ASTN2: variants seen among roughly 807,000 people sequenced by gnomAD.
The protein encoded by ASTN2 is astrotactin-2.
A neutral mutation model predicts 139.8 loss-of-function variants in ASTN2; 54 were observed. The observed-to-expected ratio is 0.39, with a 90% CI of 0.31 to 0.48. The LOEUF (loss-of-function observed/expected upper bound fraction) is 0.48. ASTN2 is among the 20% of genes least tolerant of loss of function. The pLI is 0.95. For synonymous variants in ASTN2, 756 were observed against 719.5 expected (o/e 1.05, Z -0.81); for missense variants, 1,565 against 1,725.1 (o/e 0.91, Z 1.64).
chr9:116,440,475 CT>C, intron 22 of ASTN2, 133 bp downstream of exon 22: 3 of 811,540 alleles, frequency 3.7e-6, no homozygotes, highest in South Asian at 4.1e-5. Context: ...TATCTTTAGC[CT>C]TGACACGACC....
At chr9:117,128,355 G>C (rs923235591) in intron 4 of ASTN2, among the ~76,000 whole-genome samples, 1 of 129,648 alleles carries the variant, frequency 7.7e-6, no homozygotes, top group African/African-American at 3.2e-5. Flanking sequence ...CCTGGTGACA[G>C]AGTGAGACAC....
At chr9:116,809,577 C>T (rs988979754) in intron 12 of ASTN2, among the ~76,000 whole-genome samples, 3 of 152,258 alleles carry the variant, frequency 2.0e-5, no homozygotes, top group Non-Finnish European at 2.9e-5. Context: ...CCATATTTTT[C>T]CTTTCAAATG....
At chr9:116,960,629 A>G (rs1835851088) in intron 10 of ASTN2, among the ~76,000 whole-genome samples, 1 of 151,966 alleles carries the variant, frequency 6.6e-6, no homozygotes, top group Non-Finnish European at 1.5e-5. Context: ...TCTATCTACT[A>G]GATACCAATA....
chr9:117,400,869 G>A (rs1270292497), intron 1 of ASTN2, among the ~76,000 whole-genome samples: 1 of 152,050 alleles, frequency 6.6e-6, no homozygotes, highest in Non-Finnish European at 1.5e-5. Flanking sequence ...CAAAACCCAC[G>A]ATTCCTAGTT....
intron 3 of ASTN2, among the ~76,000 whole-genome samples, chr9:117,183,849 C>A (rs1831133464): frequency 6.6e-6 from 1 of 152,200 alleles, no homozygotes; most frequent in Admixed American, 6.5e-5. Context: ...TGAAATGCAG[C>A]CCTGATATCA....
intron 19 of ASTN2, among the ~76,000 whole-genome samples, chr9:116,505,377 T>TTGCCC (rs1850064976): frequency 6.6e-6 from 1 of 152,092 alleles, no homozygotes; most frequent in Non-Finnish European, 1.5e-5. Flanking sequence ...CCTTACTGGA[T>TTGCCC]ACCCAATCAA....
chr9:116,724,494 G>A (rs753865185), intron 16 of ASTN2, among the ~76,000 whole-genome samples: 3 of 152,196 alleles, frequency 2.0e-5, no homozygotes, highest in Non-Finnish European at 4.4e-5. Context: ...TTATCCAGTT[G>A]GGAATGTGCA....
At chr9:117,214,315 C>A in intron 3 of ASTN2, 43 bp downstream of exon 3, 1 of 1,532,318 alleles carries the variant, frequency 6.5e-7, no homozygotes, top group South Asian at 1.3e-5. Context: ...CCCATCTTTT[C>A]AAAATGCCCC....
At chr9:117,117,176 C>G (rs1476918088) in intron 4 of ASTN2, among the ~76,000 whole-genome samples, 1 of 151,880 alleles carries the variant, frequency 6.6e-6, no homozygotes. Context: ...CCTCAGTTTC[C>G]CCTTAGCTAG....
At chr9:117,147,344 G>A (rs1351713702) in intron 3 of ASTN2, among the ~76,000 whole-genome samples, 4 of 152,110 alleles carry the variant, frequency 2.6e-5, no homozygotes, top group Non-Finnish European at 5.9e-5. Flanking sequence ...AGCTGAGGCA[G>A]AGAATCGCTT....
intron 17 of ASTN2, among the ~76,000 whole-genome samples, chr9:116,645,785 A>G (rs947351666): frequency 6.6e-6 from 1 of 152,196 alleles, no homozygotes. Flanking sequence ...CTCCATTTGT[A>G]AAGTGCCCTT....
At chr9:116,840,822 T>C (rs376301141) in intron 11 of ASTN2, among the ~76,000 whole-genome samples, 3 of 148,260 alleles carry the variant, frequency 2.0e-5, no homozygotes, top group African/African-American at 7.5e-5. Context: ...GATGTGATGG[T>C]GGCCGGGAAG....
rs544357607 is a variant in ASTN2, at chr9:116,885,510, A to G, written c.1890-21777T>C. Among the ~76,000 whole-genome samples, 5 of 152,254 alleles carry G rather than the reference A, an allele frequency of 3.3e-5. No individual in the cohort carries two copies. In the South Asian group the frequency reaches 1.0e-3, roughly 32 times the overall value. ...GCAAAACCTCGTCTCTACTAAAAATACAAAAATTAGCCAGGCGAGGTGGCA... is the reference window on the plus strand; with the variant it reads ...GCAAAACCTCGTCTCTACTAAAAATGCAAAAATTAGCCAGGCGAGGTGGCA... On this transcript the variant is annotated intron_variant, in intron 10 of 22. Coordinates refer to ENST00000313400, the MANE Select transcript of ASTN2 (RefSeq NM_001365068.1).
intron 13 of ASTN2, among the ~76,000 whole-genome samples, chr9:116,786,609 G>T (rs1163943484): frequency 6.6e-6 from 1 of 152,116 alleles, no homozygotes; most frequent in East Asian, 1.9e-4. Context: ...AATAAAAATG[G>T]GGGATAGGGG....
chr9:117,233,489 T>C (rs1176569770), intron 2 of ASTN2, among the ~76,000 whole-genome samples: 2 of 152,172 alleles, frequency 1.3e-5, no homozygotes, highest in Non-Finnish European at 2.9e-5. Flanking sequence ...CTAAGGGCTA[T>C]CTATGTATAA....
chr9:116,459,417 T>C (rs1460550051), intron 20 of ASTN2, among the ~76,000 whole-genome samples: 1 of 152,052 alleles, frequency 6.6e-6, no homozygotes, highest in Non-Finnish European at 1.5e-5. Flanking sequence ...AATTGGACTT[T>C]ATCAAAATTT....
intron 20 of ASTN2, among the ~76,000 whole-genome samples, chr9:116,455,749 A>G (rs528753933): frequency 6.6e-6 from 1 of 152,206 alleles, no homozygotes; most frequent in African/African-American, 2.4e-5. Flanking sequence ...AAGTAAAAAA[A>G]AAATAGCATC....
At position 116,478,844 on chromosome 9, in the gene ASTN2, T is replaced by A. The variant is rs573074442; in HGVS notation, c.3497+8515A>T. 1.5e-4 allele frequency among the ~76,000 whole-genome samples: 23 copies of A among 151,710 alleles called. No individual in the cohort carries two copies. The South Asian group carries it at 4.8e-3, about 32-fold the overall frequency. On this transcript the variant is annotated intron_variant, in intron 20 of 22. Transcript: ENST00000313400. Reference sequence around the variant, plus strand: ...CCATCTCTACTAAAAATACAAAAATTAGCTGGGCACAGTGGCACGTGCCTG... The same window carrying A: ...CCATCTCTACTAAAAATACAAAAATAAGCTGGGCACAGTGGCACGTGCCTG...
At chr9:116,871,025 G>C (rs915036582) in intron 10 of ASTN2, among the ~76,000 whole-genome samples, 12 of 152,138 alleles carry the variant, frequency 7.9e-5, no homozygotes, top group Admixed American at 3.9e-4. Context: ...TTGGGAGGCC[G>C]AGACAGACAG....
Sources: allele counts gnomAD v4.1 joint callset (sites outside exome capture counted in the v4.1 genomes callset), GRCh38; gene constraint gnomAD v4.1.1; transcripts MANE v1.5; gene names NCBI Gene and HGNC (gene_info 2026-07-23, HGNC 2026-07-21).